PHKA2: variants seen among roughly 807,000 people sequenced by gnomAD.
PHKA2 encodes the protein phosphorylase kinase regulatory subunit alpha 2.
PHKA2 carries 31 observed loss-of-function variants against 102.0 expected under a neutral mutation model. That is an observed-to-expected ratio of 0.30 (90% CI 0.23 to 0.41). PHKA2 has a LOEUF of 0.41. Among genes scored for constraint, PHKA2 ranks in the 10% least tolerant of loss-of-function variants. The pLI is 1.00. For missense variants in PHKA2, 858 were observed against 1,023.1 expected, an observed-to-expected ratio of 0.84 and a Z score of 2.20; for synonymous variants, 455 against 416.2, an observed-to-expected ratio of 1.09 and a Z score of -1.13.
chrX:18,949,997 C>T lies in PHKA2; in HGVS notation c.454+1107G>A, dbSNP rs772072132. Among the ~76,000 whole-genome samples the T allele has an allele frequency of 4.5e-5, 5 of 112,319 alleles. No individual in the cohort carries two copies. In the East Asian group the frequency reaches 1.1e-3, roughly 25 times the overall value. Reference sequence around the variant, plus strand: ...TGGACTGGTAGGTGATAAGAACTCCCAGACATAGCCGTTAAGTGCCCTAAC... The same window carrying T: ...TGGACTGGTAGGTGATAAGAACTCCTAGACATAGCCGTTAAGTGCCCTAAC... On this transcript the variant is annotated intron_variant, in intron 4 of 32. Coordinates refer to ENST00000379942, the MANE Select transcript of PHKA2 (RefSeq NM_000292.3).
intron 20 of PHKA2, among the ~76,000 whole-genome samples, chrX:18,910,222 G>A (rs1359738479): frequency 3.5e-5 from 4 of 112,732 alleles, no homozygotes; most frequent in Non-Finnish European, 5.6e-5. Flanking sequence ...GCTTGCGCCT[G>A]TAATCCCAGC....
At chrX:18,947,995 CAG>C (rs1430736984) in intron 5 of PHKA2, among the ~76,000 whole-genome samples, 3 of 111,025 alleles carry the variant, frequency 2.7e-5, no homozygotes, top group African/African-American at 6.6e-5. Flanking sequence ...TGTGGGGACT[CAG>C]GGGGAAAGTG....
In PHKA2 at chrX:18,929,221, C is replaced by T; in HGVS notation, c.1324+7G>A. ...GTTAAATATGAACAGTAAACACGCT[C>T]ACAAACCTTGTACTACAACATCAGG... On this transcript the variant is annotated splice_region_variant and intron_variant, in intron 13 of 32. Transcript: ENST00000379942. The T allele has an allele frequency of 8.9e-7, 1 of 1,120,203 alleles. No individual in the cohort carries two copies. Among genetic ancestry groups the T allele is most frequent in the South Asian group, 1.9e-5 (1 of 51,941 alleles). 92.3% of individuals were successfully genotyped at this position (1,120,203 alleles called of 1,213,427 possible). A position where few individuals can be genotyped will look rare whatever the true frequency, so the allele number is the denominator to read the frequency against.
At chrX:18,942,234 A>G (rs1417272108) in intron 7 of PHKA2, among the ~76,000 whole-genome samples, 1 of 112,059 alleles carries the variant, frequency 8.9e-6, no homozygotes, top group Admixed American at 9.5e-5. Flanking sequence ...TAGAGGCACT[A>G]TAATATGGCC....
At chrX:18,920,641 C>T (rs2048100929) in intron 17 of PHKA2, among the ~76,000 whole-genome samples, 1 of 112,016 alleles carries the variant, frequency 8.9e-6, no homozygotes, top group African/African-American at 3.3e-5. Context: ...CACTGTCACA[C>T]AGGGACAGGG....
chrX:18,948,663 C>T (rs1322920375), intron 5 of PHKA2, 81 bp downstream of exon 5: 6 of 653,348 alleles, frequency 9.2e-6, no homozygotes, highest in African/African-American at 6.5e-5. Flanking sequence ...CCCCAAACAG[C>T]CTGGCCCTCA....
chrX:18,947,407 G>A (rs1174692580), intron 5 of PHKA2, among the ~76,000 whole-genome samples: 1 of 112,075 alleles, frequency 8.9e-6, no homozygotes, highest in East Asian at 2.8e-4. Flanking sequence ...GGAGGAAAGG[G>A]GGTTTATACA....
chrX:18,965,584 G>A (rs1356359557), intron 1 of PHKA2, among the ~76,000 whole-genome samples: 1 of 110,737 alleles, frequency 9.0e-6, no homozygotes, highest in African/African-American at 3.3e-5. Context: ...GCCTTTCTGG[G>A]GTGTGTGTGG....
At chrX:18,950,304 G>C (rs1480494929) in intron 4 of PHKA2, among the ~76,000 whole-genome samples, 1 of 112,325 alleles carries the variant, frequency 8.9e-6, no homozygotes, top group Non-Finnish European at 1.9e-5. Flanking sequence ...GACCAGGGTA[G>C]TGAGTGGGAG....
intron 22 of PHKA2, 78 bp downstream of exon 22, chrX:18,907,822 A>T: frequency 9.5e-7 from 1 of 1,048,623 alleles, no homozygotes; most frequent in Non-Finnish European, 1.3e-6. Context: ...AAGAGGTATA[A>T]CTGGGAGATT....
At chrX:18,925,645 G>T in intron 15 of PHKA2, 23 bp downstream of exon 15, 1 of 884,529 alleles carries the variant, frequency 1.1e-6, no homozygotes, top group Non-Finnish European at 1.7e-6. Context: ...AAAAAAAGAT[G>T]CTCGTTGGCC....
chrX:18,898,635 T>C (rs2047619173), intron 29 of PHKA2, among the ~76,000 whole-genome samples: 1 of 112,650 alleles, frequency 8.9e-6, no homozygotes, highest in Non-Finnish European at 1.9e-5. Flanking sequence ...GGTTATTCCA[T>C]TGGGCTCATT....
rs2147958760 is a variant in PHKA2, at chrX:18,940,052, A to T, written c.865-4T>A. On this transcript the variant is annotated splice_polypyrimidine_tract_variant and splice_region_variant and intron_variant, in intron 8 of 32. Transcript: ENST00000379942. ...AGCGACAGCATCCATAACGCCCCTA[A>T]TAAGAGAAAGTACATTCGATGAGCT... The T allele has an allele frequency of 8.4e-7, 1 of 1,186,725 alleles. No homozygotes were observed. The highest frequency in any genetic ancestry group is 1.1e-6 in the Non-Finnish European group (1 of 872,688).
At position 18,908,882 on chromosome X, in the gene PHKA2, C is replaced by T. The variant is rs144488245; in HGVS notation, c.2279G>A (p.Cys760Tyr). 17 of 1,206,514 alleles carry T rather than the reference C, an allele frequency of 1.4e-5. No individual in the cohort carries two copies. The highest frequency in any genetic ancestry group is 1.7e-5 in the Non-Finnish European group (15 of 892,060). ...TTTTAGCTGCTCAACCAGCTTCTCA[C>T]AGTCCACGTCACCATGGTCATCTCT... ...WPRDDHGDVD[C>Y]EKLVEQLKDC... Residue 760 changes from cysteine to tyrosine, a missense_variant, in exon 21 of 33, where the codon TGT becomes TAT. By Grantham distance (194) the Cys-to-Tyr change is radical. Coordinates refer to ENST00000379942, the MANE Select transcript of PHKA2 (RefSeq NM_000292.3).
rs1484197629 is a variant in PHKA2, at chrX:18,945,093, G to A, written c.603C>T (p.Ser201=). 16 of 1,190,086 alleles carry A rather than the reference G, an allele frequency of 1.3e-5. No homozygotes were observed. In the Admixed American group the frequency reaches 2.8e-4, roughly 21 times the overall value. The change falls in exon 6 of 33, where the codon TCC becomes TCT. Residue 201 remains serine (S), a synonymous_variant. Coordinates refer to ENST00000379942, the MANE Select transcript of PHKA2 (RefSeq NM_000292.3). The stretch of plus-strand genomic sequence containing the variant: ...CAACTGTCACCTTGGCCATTCCTAC[G>A]GAGCTTGCATTCAATTCCGGGATGC... The part of the protein sequence containing the change: ...NQGIPELNAS[S]VGMAKAALEA...
intron 26 of PHKA2, 80 bp downstream of exon 26, chrX:18,905,678 C>T: frequency 1.5e-6 from 1 of 660,995 alleles, no homozygotes; most frequent in Non-Finnish European, 2.5e-6. Context: ...ATTCGCTATG[C>T]CCCACAGTGC....
intron 10 of PHKA2, among the ~76,000 whole-genome samples, chrX:18,937,550 T>C (rs1275383742): frequency 4.5e-5 from 5 of 111,085 alleles, no homozygotes; most frequent in Admixed American, 1.9e-4. Context: ...AAGACACACT[T>C]ACATTGAACC....
At chrX:18,914,897 G>A (rs1229019526) in intron 19 of PHKA2, among the ~76,000 whole-genome samples, 2 of 111,653 alleles carry the variant, frequency 1.8e-5, no homozygotes, top group Non-Finnish European at 3.8e-5. Flanking sequence ...TAAGCGAGGA[G>A]GAGCAGGGCA....
rs757379156 is a variant in PHKA2, at chrX:18,897,318, A to G, written c.3127T>C (p.Ser1043Pro). ...GAGGATGACGTGCCAGTGGGCGAGG[A>G]TGGGGTGCTGGACCTCTGCAAGACA... is the stretch of plus-strand genomic sequence containing the variant. ...SSKSARSSTP[S>P]SPTGTSSSDS... The change falls in exon 30 of 33, where the codon TCC becomes CCC. Residue 1043 changes from serine to proline, a missense_variant. Ser to Pro is a moderately conservative substitution (Grantham distance 74). This residue lies in a region of PHKA2 where 671 missense variants were observed against 745.2 expected (regional missense o/e 0.90). Transcript: ENST00000379942. 1.7e-6 allele frequency: 2 copies of G among 1,209,206 alleles called. No individual in the cohort carries two copies. Among genetic ancestry groups the G allele is most frequent in the Non-Finnish European group, 2.2e-6 (2 of 894,907 alleles).
Sources: allele counts gnomAD v4.1 joint callset (sites outside exome capture counted in the v4.1 genomes callset), GRCh38; gene constraint gnomAD v4.1.1; regional missense constraint gnomAD v4.1.1; transcripts MANE v1.5; gene names NCBI Gene and HGNC (gene_info 2026-07-23, HGNC 2026-07-21).